SH3YL1: variants seen among roughly 807,000 people sequenced by gnomAD.
The protein encoded by SH3YL1 is SH3 domain-containing YSC84-like protein 1.
SH3YL1 carries 41 observed loss-of-function variants against 45.8 expected under a neutral mutation model. The observed-to-expected ratio is 0.89, with a 90% CI of 0.70 to 1.16. The LOEUF (loss-of-function observed/expected upper bound fraction) is 1.16, where lower values mean the gene tolerates loss of function less well. Among genes scored for constraint, SH3YL1 ranks in the 50% most tolerant of loss-of-function variants. SH3YL1 has a pLI of 0.00. For missense variants in SH3YL1, 389 were observed against 409.6 expected (o/e 0.95, Z 0.43); for synonymous variants, 152 against 151.4 (o/e 1.00, Z -0.03).
chr2:264,362 A>C, upstream of SH3YL1: 2 of 236,082 alleles, frequency 8.5e-6, no homozygotes, highest in Non-Finnish European at 1.6e-5. Context: ...CAGCCCCTCT[A>C]TGCGAACTCG....
intron 4 of SH3YL1, among the ~76,000 whole-genome samples, chr2:236,917 A>G (rs1049220616): frequency 2.6e-5 from 4 of 152,174 alleles, no homozygotes; most frequent in African/African-American, 9.7e-5. Context: ...GTCAAACTAA[A>G]TCTACCAGAG....
Position 218,642 on chromosome 2 carries a change from T to C in SH3YL1, c.*169A>G, listed in dbSNP as rs1667450074. The stretch of plus-strand genomic sequence containing the variant: ...AGTTAGTACAAAGTATTTAAAGATA[T>C]GTCAGTCAGCTCTTTTTATATAGAA... On this transcript the variant is annotated 3_prime_UTR_variant, in exon 10 of 10. Transcript: ENST00000356150. 4 of 583,484 alleles carry C rather than the reference T, an allele frequency of 6.9e-6. No individual in the cohort carries two copies. Among genetic ancestry groups the C allele is most frequent in the African/African-American group, 1.9e-5 (1 of 53,604 alleles). The allele number at this position is 583,484 out of a possible 1,614,324, so 36.1% of individuals were successfully genotyped here.
chr2:233,015 T>C (rs1227948112), intron 6 of SH3YL1, 86 bp downstream of exon 6: 17 of 1,233,708 alleles, frequency 1.4e-5, no homozygotes, highest in East Asian at 2.6e-5. Context: ...AAAGAATATA[T>C]AAATGTACTC....
intron 1 of SH3YL1, among the ~76,000 whole-genome samples, chr2:253,497 C>T (rs924644247): frequency 1.8e-4 from 27 of 152,308 alleles, no homozygotes; most frequent in African/African-American, 6.0e-4. Context: ...CTCCCACCAG[C>T]GCCATGACAG....
intron 6 of SH3YL1, 24 bp downstream of exon 6, chr2:233,077 A>G: frequency 6.6e-7 from 1 of 1,525,992 alleles, no homozygotes; most frequent in South Asian, 1.3e-5. Context: ...ACTTTCAATT[A>G]AAATCACTTT....
intron 5 of SH3YL1, among the ~76,000 whole-genome samples, chr2:233,926 C>A (rs963359758): frequency 6.6e-6 from 1 of 152,170 alleles, no homozygotes; most frequent in African/African-American, 2.4e-5. Context: ...ATACAATGGC[C>A]TATGCTTCCA....
intron 4 of SH3YL1, chr2:243,572 A>AG (rs1341652271): frequency 1.3e-6 from 2 of 1,526,302 alleles, no homozygotes; most frequent in South Asian, 1.3e-5. Context: ...TCTATTAAAA[A>AG]AAAAACAGAC....
At chr2:228,473 G>C (rs780174637) in intron 8 of SH3YL1, among the ~76,000 whole-genome samples, 1 of 152,206 alleles carries the variant, frequency 6.6e-6, no homozygotes, top group Non-Finnish European at 1.5e-5. Flanking sequence ...CTGATACTAA[G>C]AGGACTAGAA....
At chr2:220,878 C>T (rs1308050176) in intron 9 of SH3YL1, among the ~76,000 whole-genome samples, 2 of 152,220 alleles carry the variant, frequency 1.3e-5, no homozygotes, top group Non-Finnish European at 2.9e-5. Context: ...TGCTTGTGAA[C>T]ATCAGGGAAT....
intron 4 of SH3YL1, among the ~76,000 whole-genome samples, chr2:246,232 T>C (rs1668803621): frequency 6.6e-6 from 1 of 151,942 alleles, no homozygotes; most frequent in African/African-American, 2.4e-5. Context: ...AAATACTATG[T>C]ATCAGTCTAT....
At chr2:249,305 T>A (rs1668970547) in intron 3 of SH3YL1, among the ~76,000 whole-genome samples, 1 of 152,228 alleles carries the variant, frequency 6.6e-6, no homozygotes, top group Admixed American at 6.5e-5. Flanking sequence ...ACAGTTTTTA[T>A]GATCTACCAC....
intron 2 of SH3YL1, among the ~76,000 whole-genome samples, chr2:250,504 T>C (rs546093451): frequency 1.3e-5 from 2 of 152,230 alleles, no homozygotes; most frequent in Non-Finnish European, 2.9e-5. Flanking sequence ...TTACATAAAA[T>C]GAGGGTTATT....
chr2:246,531 A>G (rs948160197), intron 4 of SH3YL1, among the ~76,000 whole-genome samples: 3 of 145,930 alleles, frequency 2.1e-5, no homozygotes, highest in Non-Finnish European at 4.5e-5. Context: ...GTTTAGCAGC[A>G]TGATCTATTG....
At chr2:261,513 AT>A (rs1179688012) in intron 1 of SH3YL1, among the ~76,000 whole-genome samples, 1,620 of 150,836 alleles carry the variant, frequency 0.011, 66 homozygotes, top group Admixed American at 0.087. Flanking sequence ...ATAGTAACAC[AT>A]TTTTTTTTTA....
intron 6 of SH3YL1, among the ~76,000 whole-genome samples, chr2:232,320 G>A (rs2103026849): frequency 6.6e-6 from 1 of 151,888 alleles, no homozygotes; most frequent in South Asian, 2.1e-4. Context: ...TGTAGAACAG[G>A]AAACCTCACA....
chr2:219,351 G>A (rs753987057), intron 9 of SH3YL1, among the ~76,000 whole-genome samples: 2 of 152,144 alleles, frequency 1.3e-5, no homozygotes, highest in Admixed American at 1.3e-4. Flanking sequence ...CCAAGGTGAT[G>A]GTGTTAGAAG....
intron 4 of SH3YL1, among the ~76,000 whole-genome samples, chr2:244,965 G>A (rs963796175): frequency 7.2e-5 from 11 of 152,170 alleles, no homozygotes; most frequent in Admixed American, 5.2e-4. Flanking sequence ...GCCCCTCCGT[G>A]GTCTCAGTGG....
chr2:220,963 A>T (rs112254713), intron 9 of SH3YL1, among the ~76,000 whole-genome samples: 7 of 152,336 alleles, frequency 4.6e-5, no homozygotes, highest in African/African-American at 1.7e-4. Context: ...TCAAAAATGC[A>T]TAATAAGGAC....
chr2:243,543 A>C lies in SH3YL1; in HGVS notation c.291+3995T>G, dbSNP rs564214375. ...GCAGCCAGGGCAATGCTCAGAGGGA[A>C]TATGTAGCTGTAAATGTGTCTATTA... On this transcript the variant is annotated intron_variant, in intron 4 of 9. Transcript: ENST00000356150. 2.6e-6 allele frequency: 4 copies of C among 1,540,070 alleles called. No individual in the cohort carries two copies. In the South Asian group the frequency reaches 4.9e-5, roughly 19 times the overall value.
Sources: allele counts gnomAD v4.1 joint callset (sites outside exome capture counted in the v4.1 genomes callset), GRCh38; gene constraint gnomAD v4.1.1; transcripts MANE v1.5; gene names NCBI Gene and HGNC (gene_info 2026-07-23, HGNC 2026-07-21).